The following DLG2 variants were observed in gnomAD, a reference collection of about 807,000 sequenced individuals.
DLG2 encodes discs large MAGUK scaffold protein 2.
DLG2 carries 45 observed loss-of-function variants against 132.5 expected under a neutral mutation model. That is an observed-to-expected ratio of 0.34 (90% CI 0.27 to 0.44). The LOEUF is 0.44. Ranked by LOEUF, DLG2 falls within the 20% of genes least tolerant of loss-of-function variation. The pLI is 1.00. For synonymous variants in DLG2, 424 were observed against 419.6 expected, an observed-to-expected ratio of 1.01 and a Z score of -0.13; for missense variants, 1,045 against 1,196.9, an observed-to-expected ratio of 0.87 and a Z score of 1.87.
chr11:85,464,085 A>G (rs186239956), intron 3 of DLG2, among the ~76,000 whole-genome samples: 51 of 151,384 alleles, frequency 3.4e-4, no homozygotes, highest in East Asian at 2.2e-3. Context: ...ACAAGGTGCT[A>G]TATCATTTGC....
In DLG2 at chr11:84,387,095, G is replaced by C. The variant is rs145699732; in HGVS notation, c.520-135804C>G. Among the ~76,000 whole-genome samples the C allele has an allele frequency of 2.6e-4, 40 of 152,070 alleles. No homozygotes were observed. In the East Asian group the frequency reaches 7.2e-3, roughly 27 times the overall value. On this transcript the variant is annotated intron_variant, in intron 7 of 27. Coordinates refer to ENST00000376104, the MANE Select transcript of DLG2 (RefSeq NM_001142699.3). ...CCCACCACCTCTTCCTTGCTCTTCT[G>C]AGTAAGAAGTGGTGGAAGCAGTTGA...
chr11:85,222,902 T>C (rs145006934), intron 4 of DLG2, among the ~76,000 whole-genome samples: 276 of 152,232 alleles, frequency 1.8e-3, no homozygotes, highest in African/African-American at 6.4e-3. Context: ...GACACTACCT[T>C]TATCACTTCC....
chr11:84,864,382 T>C (rs1351928143), intron 6 of DLG2, among the ~76,000 whole-genome samples: 3 of 152,190 alleles, frequency 2.0e-5, no homozygotes, highest in Admixed American at 6.5e-5. Context: ...CATACACTTC[T>C]ATGGATTAGC....
intron 11 of DLG2, among the ~76,000 whole-genome samples, chr11:84,040,633 A>G (rs1479811115): frequency 6.6e-6 from 1 of 151,528 alleles, no homozygotes; most frequent in African/African-American, 2.4e-5. Context: ...GCCTTGTAGT[A>G]TAGTTTGAAG....
chr11:85,578,560 A>T (rs925541604), intron 3 of DLG2, among the ~76,000 whole-genome samples: 2 of 152,116 alleles, frequency 1.3e-5, no homozygotes, highest in Non-Finnish European at 2.9e-5. Context: ...ATACATTAAA[A>T]GGTGGGCAAA....
chr11:83,612,028 G>C (rs2060191369), intron 19 of DLG2, among the ~76,000 whole-genome samples: 1 of 152,142 alleles, frequency 6.6e-6, no homozygotes, highest in Admixed American at 6.5e-5. Flanking sequence ...TGGAGAAATG[G>C]TGCACATTAG....
At chr11:85,072,877 C>T (rs1436814994) in intron 6 of DLG2, among the ~76,000 whole-genome samples, 2 of 151,826 alleles carry the variant, frequency 1.3e-5, no homozygotes. Context: ...CATTTGATAG[C>T]ATCAACAGAT....
chr11:84,488,511 C>T (rs1339581126), intron 7 of DLG2, among the ~76,000 whole-genome samples: 1 of 152,094 alleles, frequency 6.6e-6, no homozygotes, highest in Non-Finnish European at 1.5e-5. Context: ...ACAGAAGGAT[C>T]CCCTTCCTTA....
At chr11:83,712,211 T>G (rs548484593) in intron 18 of DLG2, among the ~76,000 whole-genome samples, 1 of 152,298 alleles carries the variant, frequency 6.6e-6, no homozygotes, top group South Asian at 2.1e-4. Context: ...CATGCACGTG[T>G]ATGTTCACTG....
chr11:84,142,270 G>A (rs865799534), intron 9 of DLG2, among the ~76,000 whole-genome samples: 5 of 146,150 alleles, frequency 3.4e-5, no homozygotes, highest in Non-Finnish European at 6.0e-5. Context: ...GCAGTGAGCC[G>A]AGATCGCTCC....
intron 3 of DLG2, among the ~76,000 whole-genome samples, chr11:85,591,282 G>C (rs2079312126): frequency 6.6e-6 from 1 of 152,210 alleles, no homozygotes; most frequent in South Asian, 2.1e-4. Context: ...CTTTGGAAGA[G>C]ACTTGTATCT....
chr11:83,737,908 G>A (rs779961253), intron 18 of DLG2, among the ~76,000 whole-genome samples: 16 of 152,052 alleles, frequency 1.1e-4, no homozygotes, highest in African/African-American at 3.9e-4. Context: ...TTATTCTTTT[G>A]GTGATGCTGC....
At chr11:85,141,618 A>C (rs1411875804) in intron 5 of DLG2, among the ~76,000 whole-genome samples, 5 of 151,862 alleles carry the variant, frequency 3.3e-5, no homozygotes, top group African/African-American at 9.7e-5. Flanking sequence ...ATTACTCAAG[A>C]AATTTTTGCC....
chr11:83,541,842 C>A lies in DLG2; in HGVS notation c.1957G>T (p.Asp653Tyr). 1 of 1,607,076 alleles carries A rather than the reference C, an allele frequency of 6.2e-7. No homozygotes were observed. The highest frequency in any genetic ancestry group is 8.5e-7 in the Non-Finnish European group (1 of 1,176,542). ...GGCAGCCCACTGTCCTTGCTCTTGT[C>A]GTAGTCGAACATGGCTCTGGAGGAA... ...SLYVRAMFDY[D>Y]KSKDSGLPSQ... is the part of the protein sequence containing the mutation. The change falls in exon 20 of 28, where the codon GAC becomes TAC. Residue 653 changes from aspartate (D) to tyrosine (Y), a missense_variant. Around this residue, in one of 4 missense-constraint regions of DLG2, gnomAD observed 398 missense variants for 543.6 expected, o/e 0.73. Coordinates refer to ENST00000376104, the MANE Select transcript of DLG2 (RefSeq NM_001142699.3).
At chr11:85,515,987 A>C (rs2094161570) in intron 3 of DLG2, among the ~76,000 whole-genome samples, 1 of 152,042 alleles carries the variant, frequency 6.6e-6, no homozygotes, top group African/African-American at 2.4e-5. Context: ...AAAATTCTGT[A>C]ATTCACAGAG....
Position 84,341,516 on chromosome 11 carries a change from T to TC in DLG2, c.520-90226dup, listed in dbSNP as rs542440021. ...TAAAAACATAAAAAATGGCACTCCC[T>TC]CCCCAGAGATTATGATTTAATTATT... On this transcript the variant is annotated intron_variant, in intron 7 of 27. Transcript: ENST00000376104. 4.1e-4 allele frequency among the ~76,000 whole-genome samples: 62 copies of TC among 152,304 alleles called. 2 individuals carry two copies. In the South Asian group the frequency reaches 0.012, roughly 29 times the overall value.
chr11:83,485,709 T>C (rs187677468), intron 21 of DLG2, among the ~76,000 whole-genome samples: 1 of 152,322 alleles, frequency 6.6e-6, no homozygotes, highest in Admixed American at 6.5e-5. Context: ...ATGAGTCCTG[T>C]GCCCTTATGG....
At chr11:83,905,389 C>G (rs529260982) in intron 15 of DLG2, among the ~76,000 whole-genome samples, 2 of 152,110 alleles carry the variant, frequency 1.3e-5, no homozygotes, top group Non-Finnish European at 2.9e-5. Context: ...TTCCTTTGAC[C>G]TTCCCTCTAG....
At chr11:85,015,669 G>A (rs1354718298) in intron 6 of DLG2, among the ~76,000 whole-genome samples, 2 of 152,094 alleles carry the variant, frequency 1.3e-5, no homozygotes, top group African/African-American at 4.8e-5. Context: ...CAGCCTCTAT[G>A]AACTTTCCCA....
Sources: allele counts gnomAD v4.1 joint callset (sites outside exome capture counted in the v4.1 genomes callset), GRCh38; gene constraint gnomAD v4.1.1; regional missense constraint gnomAD v4.1.1; transcripts MANE v1.5; gene names NCBI Gene and HGNC (gene_info 2026-07-23, HGNC 2026-07-21).